STOX2: variants seen among roughly 807,000 people sequenced by gnomAD.
STOX2 encodes the protein storkhead-box protein 2.
A neutral mutation model predicts 60.9 loss-of-function variants in STOX2; 28 were observed. The observed-to-expected ratio is 0.46, with a 90% CI of 0.34 to 0.63. STOX2 has a LOEUF of 0.63. Among genes scored for constraint, STOX2 ranks in the 30% least tolerant of loss-of-function variants. The pLI is 0.01. For missense variants in STOX2, 1,024 were observed against 1,187.7 expected (o/e 0.86, Z 2.03); for synonymous variants, 472 against 463.9 (o/e 1.02, Z -0.22).
intron 1 of STOX2, among the ~76,000 whole-genome samples, chr4:183,880,302 A>G (rs947312082): frequency 3.9e-5 from 6 of 152,118 alleles, no homozygotes; most frequent in Admixed American, 2.0e-4. Flanking sequence ...TTATCCATAT[A>G]CTGTGAGTGC....
At chr4:183,928,608 C>T (rs987587461) in intron 1 of STOX2, among the ~76,000 whole-genome samples, 17 of 152,062 alleles carry the variant, frequency 1.1e-4, no homozygotes, top group South Asian at 2.1e-4. Context: ...GTCCTGTGAG[C>T]GTGGACCTGA....
At chr4:183,912,824 T>C (rs1741819000) in intron 1 of STOX2, among the ~76,000 whole-genome samples, 1 of 152,180 alleles carries the variant, frequency 6.6e-6, no homozygotes, top group Non-Finnish European at 1.5e-5. Context: ...ACATGACTTC[T>C]TAGAAAGTTG....
At chr4:183,923,639 C>CT (rs1742161981) in intron 1 of STOX2, among the ~76,000 whole-genome samples, 1 of 152,176 alleles carries the variant, frequency 6.6e-6, no homozygotes, top group Admixed American at 6.5e-5. Context: ...ACTTGTGATT[C>CT]TTTAAGTTTT....
chr4:183,870,060 C>T (rs549440170), intron 1 of STOX2, among the ~76,000 whole-genome samples: 2 of 152,236 alleles, frequency 1.3e-5, no homozygotes, highest in East Asian at 3.9e-4. Context: ...GCAAAAAAAT[C>T]GTTGTAAGTA....
chr4:183,879,297 G>A (rs1452656047), intron 1 of STOX2, among the ~76,000 whole-genome samples: 2 of 152,200 alleles, frequency 1.3e-5, no homozygotes, highest in African/African-American at 2.4e-5. Flanking sequence ...TCCCTTGTAC[G>A]CCTTTCTGCT....
chr4:183,971,016 G>A (rs1212493685), intron 1 of STOX2, among the ~76,000 whole-genome samples: 2 of 152,162 alleles, frequency 1.3e-5, no homozygotes, highest in African/African-American at 4.8e-5. Flanking sequence ...CAGTGAGAAG[G>A]CCATTAGAAT....
chr4:183,849,720 T>C (rs1354785421), intron 1 of STOX2, among the ~76,000 whole-genome samples: 2 of 152,112 alleles, frequency 1.3e-5, no homozygotes, highest in African/African-American at 2.4e-5. Flanking sequence ...CATCCACACA[T>C]CGGGATCAGG....
At chr4:183,798,355 C>CGGGCGGCTCGGA (rs1275902698) in intron 1 of STOX2, among the ~76,000 whole-genome samples, 133 of 150,756 alleles carry the variant, frequency 8.8e-4, no homozygotes, top group South Asian at 3.1e-3. Flanking sequence ...CGCGGCTCGG[C>CGGGCGGCTCGGA]GGGCGGCTCG....
chr4:183,989,109 T>C (rs1391585069), intron 1 of STOX2, among the ~76,000 whole-genome samples: 2 of 151,732 alleles, frequency 1.3e-5, no homozygotes, highest in African/African-American at 4.8e-5. Flanking sequence ...CAGCTGTATA[T>C]CTATCTCGCT....
chr4:183,967,876 G>A (rs181745363), intron 1 of STOX2, among the ~76,000 whole-genome samples: 1 of 152,346 alleles, frequency 6.6e-6, no homozygotes, highest in Admixed American at 6.5e-5. Flanking sequence ...AGTCTACTAT[G>A]TTTTTAGGAG....
intron 1 of STOX2, among the ~76,000 whole-genome samples, chr4:183,958,794 C>G (rs1743331865): frequency 6.6e-6 from 1 of 152,194 alleles, no homozygotes; most frequent in Admixed American, 6.5e-5. Flanking sequence ...TCCAGTATCC[C>G]TCACTGGCAA....
chr4:183,899,099 GTTA>G (rs1265355026), intron 1 of STOX2, among the ~76,000 whole-genome samples: 1 of 152,092 alleles, frequency 6.6e-6, no homozygotes, highest in Non-Finnish European at 1.5e-5. Context: ...GATCTTTGAT[GTTA>G]TTATTGTAAT....
chr4:183,883,032 C>T (rs1353654748), intron 1 of STOX2, among the ~76,000 whole-genome samples: 1 of 151,904 alleles, frequency 6.6e-6, no homozygotes, highest in African/African-American at 2.4e-5. Context: ...TTATCACGTA[C>T]AATTTCTAAA....
chr4:183,883,878 G>C (rs1741014876), intron 1 of STOX2, among the ~76,000 whole-genome samples: 2 of 148,816 alleles, frequency 1.3e-5, no homozygotes, highest in Non-Finnish European at 3.0e-5. Context: ...TTGAGATCGA[G>C]TCTTGCTCCA....
chr4:183,883,961 C>T (rs943111462), intron 1 of STOX2, among the ~76,000 whole-genome samples: 3 of 151,842 alleles, frequency 2.0e-5, no homozygotes, highest in African/African-American at 7.3e-5. Context: ...AAGTGATTCT[C>T]CCTCCCTCAG....
At chr4:183,914,267 G>A (rs1312291201) in intron 1 of STOX2, among the ~76,000 whole-genome samples, 3 of 151,924 alleles carry the variant, frequency 2.0e-5, no homozygotes, top group African/African-American at 2.4e-5. Flanking sequence ...GCGAAACCCC[G>A]TCTCTACAAA....
At chr4:183,803,131 C>T (rs1738805756) in intron 1 of STOX2, among the ~76,000 whole-genome samples, 1 of 152,194 alleles carries the variant, frequency 6.6e-6, no homozygotes, top group African/African-American at 2.4e-5. Context: ...TTAAAACCAT[C>T]AGATCTCGTG....
intron 1 of STOX2, among the ~76,000 whole-genome samples, chr4:183,816,556 T>G (rs2111105801): frequency 6.6e-6 from 1 of 152,292 alleles, no homozygotes; most frequent in South Asian, 2.1e-4. Flanking sequence ...GTATTCACTA[T>G]TTGGGTGATG....
chr4:184,004,985 G>A (rs1394685306), intron 2 of STOX2, among the ~76,000 whole-genome samples: 4 of 152,212 alleles, frequency 2.6e-5, no homozygotes, highest in Non-Finnish European at 2.9e-5. Context: ...GATACACTGT[G>A]TTCTGTCTCC....
Sources: allele counts gnomAD v4.1 joint callset (sites outside exome capture counted in the v4.1 genomes callset), GRCh38; gene constraint gnomAD v4.1.1; transcripts MANE v1.5; gene names NCBI Gene and HGNC (gene_info 2026-07-23, HGNC 2026-07-21).